The following KLHL1 variants were observed in gnomAD, a reference collection of about 807,000 sequenced individuals.
KLHL1 encodes kelch-like protein 1.
Under a neutral mutation model 77.7 loss-of-function variants are expected in KLHL1, and 47 were observed. That is an observed-to-expected ratio of 0.60 (90% confidence interval 0.48 to 0.77). KLHL1 has a LOEUF of 0.77. KLHL1 is among the 30% of genes least tolerant of loss of function. The probability of loss-of-function intolerance (pLI) is 0.00; values close to 1 mark genes in which losing one functional copy is unlikely to be tolerated. For missense variants in KLHL1, 925 were observed against 910.8 expected, an observed-to-expected ratio of 1.02 and a Z score of -0.20; for synonymous variants, 360 against 325.2, an observed-to-expected ratio of 1.11 and a Z score of -1.15.
intron 6 of KLHL1, among the ~76,000 whole-genome samples, chr13:69,831,235 A>C (rs1692157426): frequency 6.7e-6 from 1 of 150,182 alleles, no homozygotes; most frequent in Admixed American, 6.7e-5. Flanking sequence ...GAAGATCAAA[A>C]TAGGCTCAAT....
At chr13:69,877,573 A>G (rs1281784098) in intron 5 of KLHL1, among the ~76,000 whole-genome samples, 1 of 152,138 alleles carries the variant, frequency 6.6e-6, no homozygotes, top group Admixed American at 6.5e-5. Flanking sequence ...AAATATGAAA[A>G]CTATTACAAA....
At chr13:69,708,466 A>C (rs1047932817) in intron 9 of KLHL1, among the ~76,000 whole-genome samples, 4 of 151,990 alleles carry the variant, frequency 2.6e-5, no homozygotes, top group African/African-American at 9.7e-5. Flanking sequence ...CAGTTTATTC[A>C]ATAGAAAAAT....
chr13:69,837,632 ATATATATATATGTG>A (rs1039026058), intron 6 of KLHL1, among the ~76,000 whole-genome samples: 3 of 135,588 alleles, frequency 2.2e-5, no homozygotes, highest in Non-Finnish European at 4.7e-5. Context: ...ATGTGTGTGT[ATATATATATATGTG>A]TATATATATA....
intron 1 of KLHL1, among the ~76,000 whole-genome samples, chr13:70,060,003 G>T (rs1038902539): frequency 6.6e-6 from 1 of 152,092 alleles, no homozygotes; most frequent in African/African-American, 2.4e-5. Context: ...TTTGGGCAGG[G>T]ACACAAATCC....
intron 3 of KLHL1, among the ~76,000 whole-genome samples, chr13:69,941,916 G>A (rs1883376445): frequency 6.6e-6 from 1 of 151,598 alleles, no homozygotes; most frequent in Admixed American, 6.6e-5. Context: ...AAATCAGAAA[G>A]AAATAAAAAC....
chr13:69,768,812 G>T (rs905522877), intron 7 of KLHL1, among the ~76,000 whole-genome samples: 2 of 152,044 alleles, frequency 1.3e-5, no homozygotes, highest in Non-Finnish European at 2.9e-5. Context: ...CTCACTAAAA[G>T]CAAAAATAAT....
intron 5 of KLHL1, among the ~76,000 whole-genome samples, chr13:69,849,488 T>TTC (rs148126504): frequency 2.6e-5 from 4 of 151,040 alleles, no homozygotes; most frequent in East Asian, 1.9e-4. Context: ...TATGCTCTCT[T>TTC]TCTCTCTCTC....
chr13:69,880,747 G>C (rs1476024845), intron 5 of KLHL1, among the ~76,000 whole-genome samples: 1 of 152,070 alleles, frequency 6.6e-6, no homozygotes, highest in Non-Finnish European at 1.5e-5. Context: ...CCTGAGAAGA[G>C]GAATCTGGTC....
intron 1 of KLHL1, among the ~76,000 whole-genome samples, chr13:69,994,334 C>A (rs1311729430): frequency 6.6e-6 from 1 of 152,096 alleles, no homozygotes; most frequent in Non-Finnish European, 1.5e-5. Flanking sequence ...TGAACTCTTT[C>A]CTTAAGCCTT....
At chr13:69,802,706 C>T (rs908327910) in intron 6 of KLHL1, among the ~76,000 whole-genome samples, 4 of 151,760 alleles carry the variant, frequency 2.6e-5, no homozygotes, top group African/African-American at 7.3e-5. Context: ...CTTGCTCAAT[C>T]GATCACGACC....
intron 7 of KLHL1, among the ~76,000 whole-genome samples, chr13:69,744,306 T>C (rs1874109956): frequency 6.6e-6 from 1 of 152,096 alleles, no homozygotes; most frequent in African/African-American, 2.4e-5. Flanking sequence ...GGGCTTATCA[T>C]TGGCTTTCAT....
chr13:70,071,404 A>G (rs752705260), intron 1 of KLHL1, among the ~76,000 whole-genome samples: 6 of 152,066 alleles, frequency 3.9e-5, no homozygotes, highest in Non-Finnish European at 8.8e-5. Flanking sequence ...TAAACCCCCT[A>G]TGTTACAGAC....
At chr13:69,818,292 C>A (rs958928196) in intron 6 of KLHL1, among the ~76,000 whole-genome samples, 3 of 146,080 alleles carry the variant, frequency 2.1e-5, no homozygotes, top group Non-Finnish European at 4.4e-5. Context: ...ACGATCTCAG[C>A]TCACTGCAAC....
At chr13:69,808,501 T>C (rs1400026415) in intron 6 of KLHL1, among the ~76,000 whole-genome samples, 6 of 151,704 alleles carry the variant, frequency 4.0e-5, no homozygotes, top group Non-Finnish European at 4.4e-5. Context: ...AGTCAATAAA[T>C]GAAACACCAT....
intron 1 of KLHL1, among the ~76,000 whole-genome samples, chr13:70,046,911 T>C (rs963829130): frequency 2.6e-4 from 40 of 152,226 alleles, no homozygotes; most frequent in Non-Finnish European, 4.1e-4. Flanking sequence ...CTCGAGATTA[T>C]TGTATTTGAT....
chr13:70,063,666 T>C (rs1323019728), intron 1 of KLHL1, among the ~76,000 whole-genome samples: 1 of 151,970 alleles, frequency 6.6e-6, no homozygotes, highest in African/African-American at 2.4e-5. Context: ...TCCAAGGAAA[T>C]CCAAGAAAGA....
chr13:70,046,430 A>T (rs1159128755), intron 1 of KLHL1, among the ~76,000 whole-genome samples: 1 of 152,150 alleles, frequency 6.6e-6, no homozygotes, highest in Admixed American at 6.5e-5. Context: ...CAGATTCTAG[A>T]CTTGGACCCA....
At chr13:70,095,846 C>T (rs1373687537) in intron 1 of KLHL1, among the ~76,000 whole-genome samples, 2 of 151,732 alleles carry the variant, frequency 1.3e-5, no homozygotes, top group Admixed American at 6.6e-5. Flanking sequence ...CCACCACACT[C>T]GCTAATACTC....
intron 2 of KLHL1, 148 bp from the exon 3 acceptor site, chr13:69,961,592 A>G (rs1167086534): frequency 2.5e-6 from 2 of 795,876 alleles, no homozygotes; most frequent in African/African-American, 3.5e-5. Context: ...GTACTTTACA[A>G]AACTGATTCA....
Sources: gnomAD v4.1 joint callset for allele counts (sites outside exome capture counted in the v4.1 genomes callset) on GRCh38, gnomAD v4.1.1 for gene constraint, MANE v1.5 for transcripts, NCBI Gene and HGNC (gene_info 2026-07-23, HGNC 2026-07-21) for gene names.